ZDHHC5: variants seen among roughly 807,000 people sequenced by gnomAD.
ZDHHC5 encodes zDHHC palmitoyltransferase 5, also known as palmitoyltransferase ZDHHC5.
ZDHHC5 carries 22 observed loss-of-function variants against 70.0 expected under a neutral mutation model. That is an observed-to-expected ratio of 0.31 (90% confidence interval 0.22 to 0.45). The LOEUF is 0.45. Ranked by LOEUF, ZDHHC5 falls within the 20% of genes least tolerant of loss-of-function variation. The pLI is 1.00. For missense variants in ZDHHC5, 746 were observed against 926.9 expected, an observed-to-expected ratio of 0.80 and a Z score of 2.53; for synonymous variants, 313 against 347.8, an observed-to-expected ratio of 0.90 and a Z score of 1.11.
chr11:57,685,171 T>C (rs1473306367), intron 3 of ZDHHC5, among the ~76,000 whole-genome samples: 1 of 151,888 alleles, frequency 6.6e-6, no homozygotes, highest in Non-Finnish European at 1.5e-5. Flanking sequence ...AAGAACTTCA[T>C]TGTGCTCCCA....
chr11:57,680,150 T>C (rs1307433615), intron 2 of ZDHHC5, among the ~76,000 whole-genome samples: 1 of 152,172 alleles, frequency 6.6e-6, no homozygotes, highest in Non-Finnish European at 1.5e-5. Context: ...TTTGGGAGGC[T>C]GAGGCGGGCA....
In ZDHHC5 at chr11:57,668,158, C is replaced by T. The variant is rs1446346477; in HGVS notation, c.-1100C>T. On this transcript the variant is annotated 5_prime_UTR_variant, in exon 1 of 12. It adds an upstream start codon to the 5' untranslated region. Transcript: ENST00000287169. ...TGCCGGGAGGCGGCGGTGACAACGA[C>T]GGCGGTGGTGACGGGCACCGGGCTC... 2.7e-6 allele frequency: 1 copy of T among 368,362 alleles called. No homozygotes were observed. Among genetic ancestry groups the T allele is most frequent in the Non-Finnish European group, 4.8e-6 (1 of 206,874 alleles). 22.8% of individuals were successfully genotyped at this position (368,362 alleles called of 1,614,324 possible). A position where few individuals can be genotyped will look rare whatever the true frequency, so the allele number is the denominator to read the frequency against.
At chr11:57,698,118 AACACACACACACAC>A (rs113494839) in intron 10 of ZDHHC5, among the ~76,000 whole-genome samples, 3 of 110,286 alleles carry the variant, frequency 2.7e-5, no homozygotes, top group Non-Finnish European at 7.0e-5. Flanking sequence ...CTGGGCTTAA[AACACACACACACAC>A]ACACACACAC....
intron 6 of ZDHHC5, among the ~76,000 whole-genome samples, chr11:57,691,253 G>T (rs1946281683): frequency 6.6e-6 from 1 of 152,044 alleles, no homozygotes; most frequent in South Asian, 2.1e-4. Flanking sequence ...TGTATTTTTA[G>T]TAGAGACAGG....
At chr11:57,675,638 C>T (rs1565190555) in intron 2 of ZDHHC5, among the ~76,000 whole-genome samples, 1 of 152,238 alleles carries the variant, frequency 6.6e-6, no homozygotes, top group Non-Finnish European at 1.5e-5. Context: ...TGGGCTCCAT[C>T]TTTTCCTAAG....
Position 57,699,319 on chromosome 11 carries a change from C to T in ZDHHC5, c.1883C>T (p.Ala628Val), listed in dbSNP as rs2135407839. 1 of 1,614,064 alleles carries T rather than the reference C, an allele frequency of 6.2e-7. No homozygotes were observed. Among genetic ancestry groups the T allele is most frequent in the Non-Finnish European group, 8.5e-7 (1 of 1,179,932 alleles). The change falls in exon 11 of 12, where the codon GCC becomes GTC. Residue 628 changes from alanine (A) to valine (V), a missense_variant. Ala to Val is a moderately conservative substitution (Grantham distance 64). Coordinates refer to ENST00000287169, the MANE Select transcript of ZDHHC5 (RefSeq NM_015457.3). ...GGGTCCCCTGAACCAGGCCCAACAG[C>T]CCCATACCTGGGCCGATCGATGTCT... is the stretch of plus-strand genomic sequence containing the variant. ...GVGSPEPGPT[A>V]PYLGRSMSYS...
At chr11:57,671,288 GTT>G (rs1946003320) in intron 1 of ZDHHC5, among the ~76,000 whole-genome samples, 1 of 152,198 alleles carries the variant, frequency 6.6e-6, no homozygotes, top group Non-Finnish European at 1.5e-5. Context: ...GCTGGTGTTA[GTT>G]TGTTATTGTC....
At chr11:57,678,892 C>T (rs1252980217) in intron 2 of ZDHHC5, among the ~76,000 whole-genome samples, 2 of 152,254 alleles carry the variant, frequency 1.3e-5, no homozygotes, top group East Asian at 3.9e-4. Context: ...GAATGAAGAT[C>T]TTTCTCCTTC....
rs1486225577 is a variant in ZDHHC5, at chr11:57,698,757, G to C, written c.1321G>C (p.Gly441Arg). ...AGCCCAGGGCACAGGCTTTGAGCTG[G>C]GCCAGTTGCAATCCATTCGTTCAGA... ...KSAQGTGFELGQLQSIRSEGT... is the reference protein window; with the variant it reads ...KSAQGTGFELRQLQSIRSEGT... The change falls in exon 11 of 12, where the codon GGC becomes CGC. Residue 441 changes from glycine (G) to arginine (R), a missense_variant. Physicochemically the swap from Gly to Arg is moderately radical, Grantham distance 125. This residue lies in a region of ZDHHC5 where 340 missense variants were observed against 350.1 expected (regional missense o/e 0.97). Transcript: ENST00000287169. 1 of 1,613,984 alleles carries C rather than the reference G, an allele frequency of 6.2e-7. No individual in the cohort carries two copies. Among genetic ancestry groups the C allele is most frequent in the African/African-American group, 1.3e-5 (1 of 74,894 alleles).
Position 57,693,787 on chromosome 11 carries a change from T to C in ZDHHC5, c.757T>C (p.Leu253=), listed in dbSNP as rs372941355. The C allele has an allele frequency of 1.3e-6, 2 of 1,562,464 alleles. No homozygotes were observed. The highest frequency in any genetic ancestry group is 2.7e-5 in the African/African-American group (2 of 73,214). Reference sequence around the variant, plus strand: ...TCTCTCTCTCTCGACACTTAGGTATTTGGGGAGACCAAAGAAAGAGAAGAC... The same window carrying C: ...TCTCTCTCTCTCGACACTTAGGTATCTGGGGAGACCAAAGAAAGAGAAGAC... ...VLCSSPAPRY[L]GRPKKEKTIV... The change falls in exon 8 of 12, where the codon TTG becomes CTG. Residue 253 remains leucine, a synonymous_variant. Transcript: ENST00000287169.
chr11:57,685,898 A>G (rs997644233), intron 3 of ZDHHC5, among the ~76,000 whole-genome samples: 1 of 149,502 alleles, frequency 6.7e-6, no homozygotes, highest in Non-Finnish European at 1.5e-5. Context: ...GTGGTGGCGC[A>G]TGCCTGTAAT....
Position 57,700,275 on chromosome 11 carries a change from A to T in ZDHHC5, c.*244A>T, listed in dbSNP as rs1053181653. 1.1e-4 allele frequency: 42 copies of T among 388,190 alleles called. 1 individual carries two copies. Among genetic ancestry groups the T allele is most frequent in the African/African-American group, 8.1e-4 (39 of 47,962 alleles). The allele number at this position is 388,190 out of a possible 1,614,324, so 24.0% of individuals were successfully genotyped here. ...AGACCTTCCCTTCCTTGATCCCTGG[A>T]CCAGACTCAGTGGACATTTGTGCAA... On this transcript the variant is annotated 3_prime_UTR_variant, in exon 12 of 12. Transcript: ENST00000287169.
chr11:57,684,860 AC>A (rs1431160518), intron 3 of ZDHHC5, among the ~76,000 whole-genome samples: 17 of 152,256 alleles, frequency 1.1e-4, no homozygotes, highest in African/African-American at 3.9e-4. Context: ...TCTGAAATTC[AC>A]TGTAGGCTTG....
Position 57,673,083 on chromosome 11 carries a change from G to T in ZDHHC5, c.-8G>T. 1 of 1,613,832 alleles carries T rather than the reference G, an allele frequency of 6.2e-7. No homozygotes were observed. The highest frequency in any genetic ancestry group is 8.5e-7 in the Non-Finnish European group (1 of 1,179,816). On this transcript the variant is annotated 5_prime_UTR_variant, in exon 2 of 12. Coordinates refer to ENST00000287169, the MANE Select transcript of ZDHHC5 (RefSeq NM_015457.3). ...GCGGCAGGGCAGATTTCCCATCAGA[G>T]CTCCAACATGCCCGCAGAGTCTGGA...
In ZDHHC5 at chr11:57,672,990, T is replaced by C. The variant is rs906798189; in HGVS notation, c.-101T>C. 1 of 1,076,072 alleles carries C rather than the reference T, an allele frequency of 9.3e-7. No homozygotes were observed. Among genetic ancestry groups the C allele is most frequent in the Admixed American group, 2.0e-5 (1 of 50,544 alleles). The allele number at this position is 1,076,072 out of a possible 1,614,324, so 66.7% of individuals were successfully genotyped here. On this transcript the variant is annotated 5_prime_UTR_variant, in exon 2 of 12. Coordinates refer to ENST00000287169, the MANE Select transcript of ZDHHC5 (RefSeq NM_015457.3). Reference sequence around the variant, plus strand: ...TTTCTGTTTCCCTGGTTTTCTTTTGTACTCCTCTCTGTTGCTTCCCTCCTC... The same window carrying C: ...TTTCTGTTTCCCTGGTTTTCTTTTGCACTCCTCTCTGTTGCTTCCCTCCTC...
At position 57,699,244 on chromosome 11, in the gene ZDHHC5, C is replaced by T. The variant is rs776546483; in HGVS notation, c.1808C>T (p.Pro603Leu). 1 of 1,614,212 alleles carries T rather than the reference C, an allele frequency of 6.2e-7. No homozygotes were observed. Among genetic ancestry groups the T allele is most frequent in the Non-Finnish European group, 8.5e-7 (1 of 1,180,034 alleles). The change falls in exon 11 of 12, where the codon CCA (proline) becomes CTA (leucine). Residue 603 changes from proline (P) to leucine (L), a missense_variant. Pro to Leu is a moderately conservative substitution (Grantham distance 98, BLOSUM62 -3). Around this residue, in one of 6 missense-constraint regions of ZDHHC5, gnomAD observed 340 missense variants for 350.1 expected, o/e 0.97. Transcript: ENST00000287169. ...TTGGGCAAGACTCCACTGGGACGCC[C>T]AGCTGTCCCCCGTTTTGGCAAGCCA... Reference protein sequence around the residue: ...SPLGKTPLGRPAVPRFGKPDG... With the variant: ...SPLGKTPLGRLAVPRFGKPDG...
Position 57,696,945 on chromosome 11 carries a change from C to T in ZDHHC5, c.1122+72C>T, listed in dbSNP as rs576449337. The T allele has an allele frequency of 4.1e-4, 627 of 1,513,596 alleles. 1 individual carries two copies. The highest frequency in any genetic ancestry group is 5.1e-4 in the Non-Finnish European group (558 of 1,103,186). The allele number at this position is 1,513,596 out of a possible 1,614,324, so 93.8% of individuals were successfully genotyped here. On this transcript the variant is annotated intron_variant, in intron 10 of 11. Transcript: ENST00000287169. ...GGCACAGTGGCTCATTCCTGTAATC[C>T]CAGCACTTTGGGAGCCCAAGGTGGG...
At chr11:57,677,506 C>G (rs993438837) in intron 2 of ZDHHC5, among the ~76,000 whole-genome samples, 8 of 152,012 alleles carry the variant, frequency 5.3e-5, no homozygotes, top group African/African-American at 1.9e-4. Context: ...AGGCTGGCCT[C>G]AAACTCCTGA....
chr11:57,700,230 A>G lies in ZDHHC5; in HGVS notation c.*199A>G, dbSNP rs1946423802. The G allele has an allele frequency of 3.7e-6, 2 of 541,706 alleles. No individual in the cohort carries two copies. Among genetic ancestry groups the G allele is most frequent in the Admixed American group, 7.8e-5 (2 of 25,798 alleles). 33.6% of individuals were successfully genotyped at this position (541,706 alleles called of 1,614,324 possible). On this transcript the variant is annotated 3_prime_UTR_variant, in exon 12 of 12. Transcript: ENST00000287169. ...TTGGGGCCCTGAGACTGGGGTAGCA[A>G]CCCCCCCTTTTATCTTTTAAGACCT...
Sources: allele counts gnomAD v4.1 joint callset (sites outside exome capture counted in the v4.1 genomes callset), GRCh38; gene constraint gnomAD v4.1.1; regional missense constraint gnomAD v4.1.1; transcripts MANE v1.5; gene names NCBI Gene and HGNC (gene_info 2026-07-23, HGNC 2026-07-21).